The following BRINP3 variants were observed in gnomAD, a reference collection of about 807,000 sequenced individuals.
BRINP3 encodes the protein BMP/retinoic acid-inducible neural-specific protein 3.
BRINP3 carries 19 observed loss-of-function variants against 71.0 expected under a neutral mutation model. That is an observed-to-expected ratio of 0.27 (90% CI 0.19 to 0.39). BRINP3 has a LOEUF of 0.39. Among genes scored for constraint, BRINP3 ranks in the 10% least tolerant of loss-of-function variants. The pLI, the probability that BRINP3 is intolerant of heterozygous loss-of-function variation, is 1.00. For synonymous variants in BRINP3, 380 were observed against 337.7 expected (o/e 1.13, Z -1.37); for missense variants, 959 against 940.8 (o/e 1.02, Z -0.25).
At chr1:190,264,671 AAGTAAAT>A (rs1411837530) in intron 4 of BRINP3, among the ~76,000 whole-genome samples, 187 bp downstream of exon 4, 1 of 152,184 alleles carries the variant, frequency 6.6e-6, no homozygotes, top group Non-Finnish European at 1.5e-5. Context: ...CCTACTTATC[AAGTAAAT>A]ATTATATTGA....
intron 2 of BRINP3, among the ~76,000 whole-genome samples, chr1:190,363,883 G>A (rs1345221587): frequency 1.3e-5 from 2 of 152,120 alleles, no homozygotes; most frequent in Non-Finnish European, 2.9e-5. Context: ...ATGATGGGCT[G>A]CAACTTTCAA....
At chr1:190,292,196 A>G (rs1426776029) in intron 2 of BRINP3, among the ~76,000 whole-genome samples, 2 of 152,152 alleles carry the variant, frequency 1.3e-5, no homozygotes, top group Non-Finnish European at 2.9e-5. Flanking sequence ...ATACAAAATG[A>G]CAGAAGGAAG....
In BRINP3 at chr1:190,321,781, G is replaced by A. The variant is rs552465309; in HGVS notation, c.237-40031C>T. On this transcript the variant is annotated intron_variant, in intron 2 of 7. Coordinates refer to ENST00000367462, the MANE Select transcript of BRINP3 (RefSeq NM_199051.3). ...TGCATATTTTCATCTGAAGTTGATA[G>A]AACAGGTAATATTTAAATATAGTTG... Among the ~76,000 whole-genome samples, 260 of 152,102 alleles carry A rather than the reference G, an allele frequency of 1.7e-3. 1 individual carries two copies. Among genetic ancestry groups the A allele is most frequent in the Middle Eastern group, 3.4e-3 (1 of 294 alleles).
At chr1:190,254,657 C>T (rs1660481338) in intron 4 of BRINP3, among the ~76,000 whole-genome samples, 1 of 152,140 alleles carries the variant, frequency 6.6e-6, no homozygotes, top group African/African-American at 2.4e-5. Flanking sequence ...TGCTTATCAG[C>T]TTAAGGAAAT....
intron 6 of BRINP3, among the ~76,000 whole-genome samples, chr1:190,222,202 A>G (rs1254256373): frequency 2.6e-5 from 4 of 152,034 alleles, no homozygotes; most frequent in African/African-American, 9.7e-5. Context: ...AAAAATAAAA[A>G]TCTTATCAAG....
At position 190,098,595 on chromosome 1, in the gene BRINP3, G is replaced by T. The variant is rs750809290; in HGVS notation, c.1724C>A (p.Pro575His). The T allele has an allele frequency of 6.2e-7, 1 of 1,613,974 alleles. No homozygotes were observed. The highest frequency in any genetic ancestry group is 2.2e-5 in the East Asian group (1 of 44,866). The change falls in exon 8 of 8, where the codon CCC becomes CAC. Residue 575 changes from proline (P) to histidine (H), a missense_variant. Pro to His is a moderately conservative substitution (Grantham distance 77). Transcript: ENST00000367462. Reference protein sequence around the residue: ...LEPVLAVYVNPFGGSHSESWF... With the variant: ...LEPVLAVYVNHFGGSHSESWF... ...GCTCTCAGAGTGGCTGCCTCCGAAGGGATTGACATAAACAGCCAACACTGG... is the reference window on the plus strand; with the variant it reads ...GCTCTCAGAGTGGCTGCCTCCGAAGTGATTGACATAAACAGCCAACACTGG...
chr1:190,297,607 A>G (rs1487075848), intron 2 of BRINP3, among the ~76,000 whole-genome samples: 2 of 152,070 alleles, frequency 1.3e-5, no homozygotes, highest in Non-Finnish European at 2.9e-5. Flanking sequence ...AATTTCACCA[A>G]ATGCCTTTTT....
intron 2 of BRINP3, among the ~76,000 whole-genome samples, chr1:190,307,186 T>C (rs12035457): frequency 0.2 from 30,334 of 149,572 alleles, 3,691 homozygotes; most frequent in East Asian, 0.35. Flanking sequence ...AATTAAAACA[T>C]ACAATATTTA....
Position 190,472,474 on chromosome 1 carries a change from G to A in BRINP3, c.-51+4974C>T, listed in dbSNP as rs190395433. 3.3e-3 allele frequency among the ~76,000 whole-genome samples: 495 copies of A among 151,702 alleles called. 1 individual carries two copies. The highest frequency in any genetic ancestry group is 0.011 in the African/African-American group (453 of 41,494). ...AATATTTTTTTTCTAAAAACAATAT[G>A]TGTGCAAAACAAAGATAACACAAGT... On this transcript the variant is annotated intron_variant, in intron 1 of 7. Coordinates refer to ENST00000367462, the MANE Select transcript of BRINP3 (RefSeq NM_199051.3).
At chr1:190,349,333 G>C (rs1448021572) in intron 2 of BRINP3, among the ~76,000 whole-genome samples, 2 of 152,046 alleles carry the variant, frequency 1.3e-5, no homozygotes, top group Admixed American at 6.6e-5. Context: ...AGTAGGCAAG[G>C]TTAAGAGTGG....
intron 2 of BRINP3, among the ~76,000 whole-genome samples, chr1:190,287,119 C>T (rs1663490356): frequency 6.6e-6 from 1 of 151,630 alleles, no homozygotes; most frequent in Non-Finnish European, 1.5e-5. Context: ...CCCAGCTACT[C>T]AGGAGGCTGA....
intron 2 of BRINP3, among the ~76,000 whole-genome samples, chr1:190,308,380 T>G (rs1195211770): frequency 6.6e-6 from 1 of 151,796 alleles, no homozygotes; most frequent in Non-Finnish European, 1.5e-5. Flanking sequence ...TGCGACAGTT[T>G]GCTGAGAATG....
intron 6 of BRINP3, among the ~76,000 whole-genome samples, chr1:190,171,945 ATT>A (rs5779513): frequency 4.2e-5 from 6 of 143,582 alleles, no homozygotes; most frequent in African/African-American, 1.3e-4. Flanking sequence ...CAACTCTATA[ATT>A]TTTTTTTTTT....
chr1:190,449,621 T>C (rs1018472664), intron 2 of BRINP3, among the ~76,000 whole-genome samples: 1 of 152,088 alleles, frequency 6.6e-6, no homozygotes, highest in African/African-American at 2.4e-5. Context: ...TTATTTGTTA[T>C]GTGGAATAGA....
chr1:190,134,188 G>A (rs773396026), intron 7 of BRINP3, among the ~76,000 whole-genome samples: 4 of 151,884 alleles, frequency 2.6e-5, no homozygotes, highest in Non-Finnish European at 4.4e-5. Flanking sequence ...GGGAGTCTTG[G>A]GAAAGCCTCT....
In BRINP3 at chr1:190,253,833, T is replaced by C. The variant is rs1355372705; in HGVS notation, c.618+11032A>G. On this transcript the variant is annotated intron_variant, in intron 4 of 7. Transcript: ENST00000367462. ...TGCTTTTGGTGTTTTAGTCATGAAGTCCTTGCCCATGCCTATGTCCTGAAT... is the reference window on the plus strand; with the variant it reads ...TGCTTTTGGTGTTTTAGTCATGAAGCCCTTGCCCATGCCTATGTCCTGAAT... Among the ~76,000 whole-genome samples the C allele has an allele frequency of 4.6e-5, 7 of 152,214 alleles. No homozygotes were observed. The South Asian group carries it at 1.0e-3, about 23-fold the overall frequency.
In BRINP3 at chr1:190,098,945, G is replaced by T. The variant is rs759231720; in HGVS notation, c.1374C>A (p.Thr458=). 6.2e-7 allele frequency: 1 copy of T among 1,614,140 alleles called. No homozygotes were observed. The highest frequency in any genetic ancestry group is 2.2e-5 in the East Asian group (1 of 44,862). The change falls in exon 8 of 8, where the codon ACC becomes ACA. Residue 458 remains threonine, a synonymous_variant. Coordinates refer to ENST00000367462, the MANE Select transcript of BRINP3 (RefSeq NM_199051.3). ...ACLTCAPDNR[T]RCGTCNTGYM... is the part of the protein sequence containing the mutation. Reference sequence around the variant, plus strand: ...AGCCGGTGTTGCAGGTGCCGCAGCGGGTGCGGTTGTCTGGTGCGCATGTCA... The same window carrying T: ...AGCCGGTGTTGCAGGTGCCGCAGCGTGTGCGGTTGTCTGGTGCGCATGTCA...
chr1:190,443,104 G>A (rs551911324), intron 2 of BRINP3, among the ~76,000 whole-genome samples: 1 of 151,580 alleles, frequency 6.6e-6, no homozygotes, highest in East Asian at 1.9e-4. Flanking sequence ...GTAGAGATGG[G>A]GTTTCACTAT....
intron 4 of BRINP3, among the ~76,000 whole-genome samples, chr1:190,257,598 C>T (rs185780137): frequency 2.6e-4 from 40 of 152,274 alleles, no homozygotes; most frequent in East Asian, 2.5e-3. Context: ...TCTGGTTTCT[C>T]CCCATCTTTC....
Sources: gnomAD v4.1 joint callset for allele counts (sites outside exome capture counted in the v4.1 genomes callset) on GRCh38, gnomAD v4.1.1 for gene constraint, MANE v1.5 for transcripts, NCBI Gene and HGNC (gene_info 2026-07-23, HGNC 2026-07-21) for gene names.